The following SLC14A2 variants were observed in gnomAD, a reference collection of about 807,000 sequenced individuals.
SLC14A2 encodes solute carrier family 14 member 2.
A neutral mutation model predicts 104.6 loss-of-function variants in SLC14A2; 91 were observed. The ratio of observed to expected loss-of-function variants is 0.87; its 90% confidence interval spans 0.73 to 1.04. SLC14A2 has a LOEUF of 1.04. SLC14A2 is among the 50% of genes least tolerant of loss of function. The pLI is 0.00. For missense variants in SLC14A2, 1,189 were observed against 1,156.0 expected (o/e 1.03, Z -0.41); for synonymous variants, 476 against 466.4 (o/e 1.02, Z -0.27).
intron 1 of SLC14A2, among the ~76,000 whole-genome samples, chr18:45,247,653 T>C (rs1214544576): frequency 1.3e-5 from 2 of 152,000 alleles, no homozygotes; most frequent in South Asian, 2.1e-4. Context: ...GGACCAATTA[T>C]AGAATCTTAG....
chr18:45,599,835 T>C (rs1170481281), intron 2 of SLC14A2, among the ~76,000 whole-genome samples: 1 of 152,186 alleles, frequency 6.6e-6, no homozygotes, highest in Non-Finnish European at 1.5e-5. Flanking sequence ...ACATCTTACA[T>C]GGATGTCAGC....
At chr18:45,421,756 C>T (rs1262265231) in intron 1 of SLC14A2, among the ~76,000 whole-genome samples, 2 of 152,180 alleles carry the variant, frequency 1.3e-5, no homozygotes, top group Non-Finnish European at 2.9e-5. Flanking sequence ...CCTACACGAC[C>T]TCTGAAGGCC....
chr18:45,368,998 T>C (rs1298083363), intron 1 of SLC14A2, among the ~76,000 whole-genome samples: 1 of 152,198 alleles, frequency 6.6e-6, no homozygotes, highest in African/African-American at 2.4e-5. Flanking sequence ...TAGGATGTTG[T>C]AATGGGGATA....
intron 1 of SLC14A2, among the ~76,000 whole-genome samples, chr18:45,314,980 C>T (rs969507420): frequency 1.3e-5 from 2 of 152,268 alleles, no homozygotes; most frequent in Non-Finnish European, 2.9e-5. Flanking sequence ...ACCTGGGTTG[C>T]GTGGACTGAA....
chr18:45,239,994 G>A lies in SLC14A2; in HGVS notation c.-125+26803G>A, dbSNP rs142170773. On this transcript the variant is annotated intron_variant, in intron 1 of 20. Transcript: ENST00000586448. ...TAATGTTTAATTGTGTATCTATACC[G>A]CATTTTCTTTACTCATTCATCAGTG... Among the ~76,000 whole-genome samples, 920 of 151,088 alleles carry A rather than the reference G, an allele frequency of 6.1e-3. 4 individuals are homozygous for A. The highest frequency in any genetic ancestry group is 0.034 in the Middle Eastern group (10 of 292).
chr18:45,328,799 A>C (rs1474242892), intron 1 of SLC14A2, among the ~76,000 whole-genome samples: 1 of 152,220 alleles, frequency 6.6e-6, no homozygotes, highest in African/African-American at 2.4e-5. Flanking sequence ...TGAAAAGCAC[A>C]TTGCAAATCT....
chr18:45,388,086 T>C (rs1385395632), intron 1 of SLC14A2, among the ~76,000 whole-genome samples: 4 of 128,090 alleles, frequency 3.1e-5, no homozygotes, highest in Non-Finnish European at 6.4e-5. Flanking sequence ...TTTTTTTTTT[T>C]TTTTTTTTGA....
At chr18:45,406,225 C>A (rs1270690780) in intron 1 of SLC14A2, among the ~76,000 whole-genome samples, 3 of 152,222 alleles carry the variant, frequency 2.0e-5, no homozygotes, top group African/African-American at 7.2e-5. Context: ...GTCATTTCAA[C>A]TATGTTCACA....
chr18:45,488,834 C>T (rs1391202400), intron 2 of SLC14A2, among the ~76,000 whole-genome samples: 2 of 152,156 alleles, frequency 1.3e-5, no homozygotes, highest in African/African-American at 2.4e-5. Flanking sequence ...GATTTGTTCC[C>T]ACCCTTTAGT....
At chr18:45,543,875 A>G (rs1399931939) in intron 2 of SLC14A2, among the ~76,000 whole-genome samples, 1 of 152,226 alleles carries the variant, frequency 6.6e-6, no homozygotes, top group East Asian at 1.9e-4. Context: ...CACGTGGTTT[A>G]TGCTAAACAC....
chr18:45,460,975 C>T (rs2087035054), intron 1 of SLC14A2, among the ~76,000 whole-genome samples: 1 of 152,144 alleles, frequency 6.6e-6, no homozygotes, highest in South Asian at 2.1e-4. Context: ...TACCTGGTGT[C>T]CTAAGTCCAG....
intron 1 of SLC14A2, among the ~76,000 whole-genome samples, chr18:45,461,507 C>G (rs957504817): frequency 2.6e-5 from 4 of 152,204 alleles, no homozygotes; most frequent in African/African-American, 9.6e-5. Context: ...GAACAAAGCT[C>G]TGGGACCTGT....
At chr18:45,380,484 A>C (rs1328157084) in intron 1 of SLC14A2, among the ~76,000 whole-genome samples, 1 of 152,200 alleles carries the variant, frequency 6.6e-6, no homozygotes, top group Admixed American at 6.5e-5. Flanking sequence ...ATTGAATGCT[A>C]TCAGAAAGTA....
chr18:45,636,881 T>G, intron 5 of SLC14A2, 109 bp from the exon 6 acceptor site: 1 of 764,278 alleles, frequency 1.3e-6, no homozygotes, highest in Non-Finnish European at 2.2e-6. Flanking sequence ...GGGCCAGGAA[T>G]GCTGTGCCTA....
chr18:45,299,755 C>A (rs1568141564), intron 1 of SLC14A2, among the ~76,000 whole-genome samples: 1 of 152,220 alleles, frequency 6.6e-6, no homozygotes, highest in Non-Finnish European at 1.5e-5. Flanking sequence ...ACCCACCGTG[C>A]CCGGCACATC....
chr18:45,512,207 C>T lies in SLC14A2; in HGVS notation c.-35+28885C>T, dbSNP rs142711225. ...CCAATATCCATGGAGCATCCCTGGG[C>T]AACAGATGAATTCCAGTCCCCATCA... On this transcript the variant is annotated intron_variant, in intron 2 of 20. Coordinates refer to the SLC14A2 transcript ENST00000586448. Among the ~76,000 whole-genome samples, 455 of 152,200 alleles carry T rather than the reference C, an allele frequency of 3.0e-3. 2 individuals carry two copies. The highest frequency in any genetic ancestry group is 3.4e-3 in the Non-Finnish European group (229 of 68,008).
chr18:45,642,113 A>AC (rs1165146768), intron 8 of SLC14A2, among the ~76,000 whole-genome samples: 1 of 152,246 alleles, frequency 6.6e-6, no homozygotes, highest in African/African-American at 2.4e-5. Context: ...CCAGCTTGCC[A>AC]CCAGCTCTCC....
chr18:45,327,744 G>T (rs1173821896), intron 1 of SLC14A2, among the ~76,000 whole-genome samples: 1 of 152,138 alleles, frequency 6.6e-6, no homozygotes, highest in Non-Finnish European at 1.5e-5. Flanking sequence ...AAAACATTTT[G>T]TTTATGTATG....
chr18:45,228,623 G>T (rs2084143125), intron 1 of SLC14A2, among the ~76,000 whole-genome samples: 2 of 152,106 alleles, frequency 1.3e-5, no homozygotes, highest in African/African-American at 4.8e-5. Context: ...TTCTTAGTTA[G>T]GGGGTGGAAA....
Sources: gnomAD v4.1 joint callset for allele counts (sites outside exome capture counted in the v4.1 genomes callset) on GRCh38, gnomAD v4.1.1 for gene constraint, MANE v1.5 for transcripts, NCBI Gene and HGNC (gene_info 2026-07-23, HGNC 2026-07-21) for gene names.